The following PTPRM variants were observed in gnomAD, a reference collection of about 807,000 sequenced individuals.
PTPRM encodes the protein protein tyrosine phosphatase receptor type M, also known as receptor-type tyrosine-protein phosphatase mu.
In PTPRM, 47 loss-of-function variants were observed where a neutral mutation model predicts 186.7. The observed-to-expected ratio is 0.25, with a 90% CI of 0.20 to 0.32. PTPRM has a LOEUF of 0.32. Ranked by LOEUF, PTPRM falls within the 10% of genes least tolerant of loss-of-function variation. The pLI is 1.00. For missense variants in PTPRM, 1,494 were observed against 1,865.0 expected, an observed-to-expected ratio of 0.80 and a Z score of 3.66; for synonymous variants, 668 against 674.9, an observed-to-expected ratio of 0.99 and a Z score of 0.16.
intron 7 of PTPRM, among the ~76,000 whole-genome samples, chr18:8,023,718 T>G (rs890527550): frequency 6.6e-6 from 1 of 151,912 alleles, no homozygotes; most frequent in South Asian, 2.1e-4. Flanking sequence ...ACAGGAAAAC[T>G]TTTTTAAAAA....
intron 22 of PTPRM, among the ~76,000 whole-genome samples, chr18:8,320,371 G>T (rs2095338259): frequency 1.3e-5 from 2 of 152,294 alleles, no homozygotes; most frequent in South Asian, 4.1e-4. Context: ...ATGAGTCATA[G>T]CTTAGGAAAA....
In PTPRM at chr18:7,567,802, G is replaced by A. The variant is rs1290026743; in HGVS notation, c.-17G>A. 2.6e-6 allele frequency: 4 copies of A among 1,533,406 alleles called. No homozygotes were observed. Among genetic ancestry groups the A allele is most frequent in the African/African-American group, 2.9e-5 (2 of 69,016 alleles). 95.0% of individuals were successfully genotyped at this position (1,533,406 alleles called of 1,614,324 possible). On this transcript the variant is annotated 5_prime_UTR_variant, in exon 1 of 33. Coordinates refer to ENST00000580170, the MANE Select transcript of PTPRM (RefSeq NM_001105244.2). This position sits in a 1 kb window ranked among gnomAD's most constrained non-coding sequence, Gnocchi z 4.3. ...ACCCACCGCCGCCGGGGAGCGGCCC[G>A]GCCCGCACTCAGCACCATGAGGGGA...
At chr18:7,631,210 A>G (rs551865401) in intron 1 of PTPRM, among the ~76,000 whole-genome samples, 1 of 152,336 alleles carries the variant, frequency 6.6e-6, no homozygotes, top group African/African-American at 2.4e-5. Context: ...ATCACTCAGT[A>G]TCTTTAAGCT....
At chr18:8,277,884 A>G (rs1568651941) in intron 19 of PTPRM, among the ~76,000 whole-genome samples, 2 of 152,260 alleles carry the variant, frequency 1.3e-5, no homozygotes, top group Non-Finnish European at 2.9e-5. Flanking sequence ...CATGATTTAA[A>G]TGGAAAAGCC....
chr18:8,131,290 A>T (rs1371465607), intron 13 of PTPRM, among the ~76,000 whole-genome samples: 3 of 152,208 alleles, frequency 2.0e-5, no homozygotes, highest in Non-Finnish European at 4.4e-5. Context: ...AAGACCTGTG[A>T]TGAGTCTCCC....
chr18:8,201,591 C>G (rs1469995793), intron 14 of PTPRM, among the ~76,000 whole-genome samples: 1 of 152,094 alleles, frequency 6.6e-6, no homozygotes, highest in Non-Finnish European at 1.5e-5. Context: ...GTTCTGGAGG[C>G]CAGAAGTCTA....
intron 7 of PTPRM, among the ~76,000 whole-genome samples, chr18:7,956,130 G>C (rs2053292118): frequency 2.0e-5 from 3 of 152,192 alleles, no homozygotes; most frequent in African/African-American, 7.2e-5. Context: ...GAGAGAAACA[G>C]TATATTGGGA....
intron 15 of PTPRM, among the ~76,000 whole-genome samples, chr18:8,247,546 G>C (rs2094488927): frequency 6.6e-6 from 1 of 152,156 alleles, no homozygotes; most frequent in Non-Finnish European, 1.5e-5. Context: ...TAAGCAAAGG[G>C]CAGAAGTCAA....
intron 14 of PTPRM, among the ~76,000 whole-genome samples, chr18:8,181,465 C>G (rs2093573796): frequency 6.6e-6 from 1 of 152,188 alleles, no homozygotes. Context: ...CACTGGAAGC[C>G]TGTGTTCCTC....
chr18:7,740,493 A>T (rs2040865010), intron 1 of PTPRM, among the ~76,000 whole-genome samples: 1 of 152,138 alleles, frequency 6.6e-6, no homozygotes, highest in South Asian at 2.1e-4. Context: ...ATTATAGGTC[A>T]CTGCAGCCTG....
intron 3 of PTPRM, among the ~76,000 whole-genome samples, chr18:7,905,334 C>T (rs2049924832): frequency 6.6e-6 from 1 of 152,146 alleles, no homozygotes; most frequent in South Asian, 2.1e-4. Flanking sequence ...GAAGTGGCTC[C>T]ACCATCTTAA....
intron 14 of PTPRM, among the ~76,000 whole-genome samples, chr18:8,205,690 T>C (rs1449268107): frequency 6.6e-6 from 1 of 152,236 alleles, no homozygotes; most frequent in African/African-American, 2.4e-5. Context: ...TACACACTGC[T>C]AGCTCTCATA....
intron 7 of PTPRM, among the ~76,000 whole-genome samples, chr18:7,964,260 T>C (rs1252382029): frequency 6.6e-6 from 1 of 152,230 alleles, no homozygotes; most frequent in Non-Finnish European, 1.5e-5. Context: ...TAGAGGCTTA[T>C]ACTTTTGTGA....
intron 2 of PTPRM, among the ~76,000 whole-genome samples, chr18:7,775,713 A>C (rs2042549268): frequency 6.6e-6 from 1 of 152,220 alleles, no homozygotes; most frequent in Admixed American, 6.5e-5. Flanking sequence ...GAAATATTTC[A>C]CATTAGGTAG....
intron 23 of PTPRM, among the ~76,000 whole-genome samples, chr18:8,365,517 G>C (rs2095623297): frequency 6.6e-6 from 1 of 152,230 alleles, no homozygotes. Flanking sequence ...GACTGTCTCT[G>C]AGATTCCTCG....
intron 1 of PTPRM, among the ~76,000 whole-genome samples, chr18:7,637,167 C>CAGA (rs374593253): frequency 6.9e-5 from 5 of 72,154 alleles, no homozygotes; most frequent in African/African-American, 1.6e-4. Flanking sequence ...GACCCTGACT[C>CAGA]AAAAAAAAAA....
chr18:8,099,916 G>A (rs1326930698), intron 11 of PTPRM, among the ~76,000 whole-genome samples: 1 of 152,160 alleles, frequency 6.6e-6, no homozygotes, highest in African/African-American at 2.4e-5. Flanking sequence ...AGATACCCGA[G>A]ACTCGGTAAT....
intron 19 of PTPRM, among the ~76,000 whole-genome samples, chr18:8,284,573 C>T (rs1484932716): frequency 6.6e-6 from 1 of 151,722 alleles, no homozygotes; most frequent in Non-Finnish European, 1.5e-5. Context: ...TACCCTCTCC[C>T]TGCCTCTACT....
chr18:7,801,109 A>G (rs2043941840), intron 2 of PTPRM, among the ~76,000 whole-genome samples: 1 of 152,150 alleles, frequency 6.6e-6, no homozygotes, highest in Admixed American at 6.5e-5. Context: ...CATTAAATTT[A>G]TTTAAAAATA....
Sources: allele counts gnomAD v4.1 joint callset (sites outside exome capture counted in the v4.1 genomes callset), GRCh38; gene constraint gnomAD v4.1.1; non-coding constraint Gnocchi (gnomAD v3.1); transcripts MANE v1.5; gene names NCBI Gene and HGNC (gene_info 2026-07-23, HGNC 2026-07-21).